Variants in CEP83 observed in about 807,000 individuals in gnomAD.
CEP83 encodes centrosomal protein of 83 kDa.
CEP83 carries 70 observed loss-of-function variants against 101.9 expected under a neutral mutation model. The ratio of observed to expected loss-of-function variants is 0.69; its 90% CI spans 0.57 to 0.84. The LOEUF is 0.84. Ranked by LOEUF, CEP83 falls within the 40% of genes least tolerant of loss-of-function variation. The probability of loss-of-function intolerance (pLI) is 0.00; values close to 1 mark genes in which losing one functional copy is unlikely to be tolerated. For synonymous variants in CEP83, 264 were observed against 267.9 expected (o/e 0.99, Z 0.14); for missense variants, 715 against 787.2 (o/e 0.91, Z 1.10).
chr12:94,321,493 C>T (rs192261191), intron 14 of CEP83, among the ~76,000 whole-genome samples: 64 of 152,256 alleles, frequency 4.2e-4, no homozygotes, highest in Non-Finnish European at 8.4e-4. Context: ...TCCATCTCTG[C>T]GTGGGGGTGT....
At chr12:94,329,488 A>AATTT (rs2059117445) in intron 14 of CEP83, among the ~76,000 whole-genome samples, 1 of 152,186 alleles carries the variant, frequency 6.6e-6, no homozygotes. Context: ...TTAAAAATAT[A>AATTT]ACCTCCTCCA....
At chr12:94,423,817 C>A (rs1280398580) in intron 2 of CEP83, 5 of 1,613,522 alleles carry the variant, frequency 3.1e-6, no homozygotes, top group East Asian at 4.5e-5. Flanking sequence ...CTGTTGGCCG[C>A]TGCTCTCCTC....
rs780821915 is a variant in CEP83, at chr12:94,379,027, C to T, written c.565G>A (p.Glu189Lys). Residue 189 changes from glutamate to lysine, a missense_variant, in exon 7 of 17, where the codon GAA becomes AAA. Glu to Lys is a moderately conservative substitution (Grantham distance 56). Coordinates refer to ENST00000397809, the MANE Select transcript of CEP83 (RefSeq NM_016122.3). ...TGGTTACGTAGTTCTTCTTTATCTT[C>T]CTCCAGTCTTGCAATCTAATAATAA... The part of the protein sequence containing the change: ...KYESEIARLE[E>K]DKEELRNQLL... The T allele has an allele frequency of 1.9e-5, 31 of 1,606,156 alleles. No individual in the cohort carries two copies. The highest frequency in any genetic ancestry group is 2.7e-5 in the African/African-American group (2 of 74,554).
intron 11 of CEP83, among the ~76,000 whole-genome samples, chr12:94,364,043 T>G (rs374982369): frequency 3.3e-5 from 5 of 149,842 alleles, no homozygotes; most frequent in African/African-American, 7.4e-5. Flanking sequence ...TACAAAGGTA[T>G]GTAGAGCAGT....
the CEP83 span, chr12:94,282,037 T>C: frequency 2.6e-6 from 1 of 385,044 alleles, no homozygotes; most frequent in South Asian, 2.6e-5. Context: ...TAGTCGTCCC[T>C]CATAGAATGC....
the CEP83 span, among the ~76,000 whole-genome samples, chr12:94,278,355 C>T: frequency 6.1e-4 from 93 of 152,214 alleles, no homozygotes; most frequent in Admixed American, 1.4e-3. Flanking sequence ...CGTGAGGGTA[C>T]GTATCAGGTA....
At chr12:94,303,981 A>T, downstream of CEP83, 1 of 1,604,514 alleles carries the variant, frequency 6.2e-7, no homozygotes. Context: ...TTTTAGAAAC[A>T]TGAAAATGAA....
chr12:94,270,308 T>C, the CEP83 span, among the ~76,000 whole-genome samples: 1 of 152,244 alleles, frequency 6.6e-6, no homozygotes, highest in Non-Finnish European at 1.5e-5. Context: ...CATTTCCTTA[T>C]TGTCTATAGC....
Position 94,403,165 on chromosome 12 carries a change from C to T in CEP83, c.417+5G>A. 1 of 1,386,138 alleles carries T rather than the reference C, an allele frequency of 7.2e-7. No individual in the cohort carries two copies. The allele number at this position is 1,386,138 out of a possible 1,614,324, so 85.9% of individuals were successfully genotyped here. On this transcript the variant is annotated splice_donor_5th_base_variant and intron_variant, in intron 5 of 16. Coordinates refer to ENST00000397809, the MANE Select transcript of CEP83 (RefSeq NM_016122.3). Reference sequence around the variant, plus strand: ...AATGCATAGTAAACAACATAAGTTACTTACTTCATCTAGATTCCTAAAACG... The same window carrying T: ...AATGCATAGTAAACAACATAAGTTATTTACTTCATCTAGATTCCTAAAACG...
chr12:94,421,597 C>T (rs2064754590), intron 2 of CEP83, among the ~76,000 whole-genome samples: 1 of 152,120 alleles, frequency 6.6e-6, no homozygotes, highest in African/African-American at 2.4e-5. Flanking sequence ...GTAAAATTTA[C>T]ACATAATGAA....
At chr12:94,395,714 G>A (rs920535345) in intron 6 of CEP83, among the ~76,000 whole-genome samples, 2 of 152,136 alleles carry the variant, frequency 1.3e-5, no homozygotes, top group Admixed American at 6.5e-5. Flanking sequence ...CCAGCTACTC[G>A]GGAGGCTGAG....
At chr12:94,418,348 G>A (rs1052399479) in intron 2 of CEP83, among the ~76,000 whole-genome samples, 4 of 152,136 alleles carry the variant, frequency 2.6e-5, no homozygotes, top group Non-Finnish European at 4.4e-5. Context: ...GTGACAGACT[G>A]AGACTCTGTC....
intron 15 of CEP83, among the ~76,000 whole-genome samples, chr12:94,311,750 C>A (rs1052338177): frequency 6.6e-6 from 1 of 152,180 alleles, no homozygotes; most frequent in Admixed American, 6.5e-5. Flanking sequence ...GGCTAACTTT[C>A]CAGGCCTTCA....
At chr12:94,295,964 T>C in the CEP83 span, among the ~76,000 whole-genome samples, 5 of 152,232 alleles carry the variant, frequency 3.3e-5, no homozygotes, top group African/African-American at 9.6e-5. Flanking sequence ...CCAACCTACC[T>C]GCACCTGCCT....
chr12:94,449,721 C>A (rs1239286217), intron 1 of CEP83, among the ~76,000 whole-genome samples: 1 of 127,482 alleles, frequency 7.8e-6, no homozygotes, highest in Non-Finnish European at 1.6e-5. Flanking sequence ...TGCAGTGAGC[C>A]AAAATCACAC....
chr12:94,346,442 C>A (rs1380300133), intron 11 of CEP83, among the ~76,000 whole-genome samples: 1 of 136,210 alleles, frequency 7.3e-6, no homozygotes, highest in African/African-American at 3.0e-5. Context: ...AGCGAGACGC[C>A]GTCTCAAAAA....
intron 14 of CEP83, among the ~76,000 whole-genome samples, chr12:94,324,209 A>G (rs2058869877): frequency 6.6e-6 from 1 of 152,220 alleles, no homozygotes; most frequent in Non-Finnish European, 1.5e-5. Flanking sequence ...TAAGATTAGT[A>G]TTAATTCTTC....
intron 4 of CEP83, among the ~76,000 whole-genome samples, chr12:94,405,220 G>A (rs934119252): frequency 6.6e-6 from 1 of 152,094 alleles, no homozygotes; most frequent in Non-Finnish European, 1.5e-5. Flanking sequence ...TCAAAACTAG[G>A]CAAGCAAAAC....
chr12:94,432,072 T>C (rs75135704), intron 2 of CEP83, among the ~76,000 whole-genome samples: 2 of 151,824 alleles, frequency 1.3e-5, no homozygotes, highest in African/African-American at 4.8e-5. Flanking sequence ...TTTTTTTTTT[T>C]GAGACGGAGT....
Sources: gnomAD v4.1 joint callset for allele counts (sites outside exome capture counted in the v4.1 genomes callset) on GRCh38, gnomAD v4.1.1 for gene constraint, MANE v1.5 for transcripts, NCBI Gene and HGNC (gene_info 2026-07-23, HGNC 2026-07-21) for gene names.